Variants in MTRR observed in about 807,000 individuals in gnomAD.
The protein encoded by MTRR is 5-methyltetrahydrofolate-homocysteine methyltransferase reductase, also known as methionine synthase reductase.
MTRR carries 63 observed loss-of-function variants against 79.2 expected under a neutral mutation model. The observed-to-expected ratio is 0.80, with a 90% CI of 0.65 to 0.98. The LOEUF (loss-of-function observed/expected upper bound fraction) is 0.98. Among genes scored for constraint, MTRR ranks in the 50% least tolerant of loss-of-function variants. The pLI is 0.00. For synonymous variants in MTRR, 355 were observed against 313.3 expected, an observed-to-expected ratio of 1.13 and a Z score of -1.41; for missense variants, 895 against 839.6, an observed-to-expected ratio of 1.07 and a Z score of -0.82.
chr5:7,875,418 C>A, intron 4 of MTRR, 43 bp downstream of exon 4: 2 of 1,427,270 alleles, frequency 1.4e-6, no homozygotes, highest in Non-Finnish European at 2.0e-6. Flanking sequence ...GCCCTCTATA[C>A]ATGATGGAAG....
chr5:7,898,462 AAGC>A (rs1405974731), intron 14 of MTRR, among the ~76,000 whole-genome samples: 8 of 152,230 alleles, frequency 5.3e-5, no homozygotes, highest in Non-Finnish European at 8.8e-5. Context: ...ATGCACTTGG[AAGC>A]ATTAATAGCA....
chr5:7,887,885 C>T (rs1736894194), intron 8 of MTRR, among the ~76,000 whole-genome samples: 1 of 139,232 alleles, frequency 7.2e-6, no homozygotes, highest in African/African-American at 2.8e-5. Context: ...ACAGAAATAA[C>T]CCAGGAAACC....
chr5:7,875,182 A>C (rs1017675849), intron 3 of MTRR, 76 bp from the exon 4 acceptor site: 131 of 946,196 alleles, frequency 1.4e-4, no homozygotes, highest in Non-Finnish European at 2.2e-4. Context: ...ATTATTTTAG[A>C]TATTTTATTT....
upstream of MTRR, chr5:7,866,587 A>C: frequency 7.7e-7 from 1 of 1,302,510 alleles, no homozygotes; most frequent in Non-Finnish European, 1.1e-6. Flanking sequence ...TGTGACTTGA[A>C]ACCACTGCCA....
At chr5:7,887,776 T>TTGTG (rs138411575) in intron 8 of MTRR, among the ~76,000 whole-genome samples, 1 of 112,354 alleles carries the variant, frequency 8.9e-6, no homozygotes, top group South Asian at 3.0e-4. Flanking sequence ...ATGTATATAT[T>TTGTG]TGTGTGTGTG....
upstream of MTRR, chr5:7,868,176 T>G (rs1174127205): frequency 3.2e-6 from 2 of 618,672 alleles, no homozygotes; most frequent in African/African-American, 2.1e-5. Context: ...CATCAATGTT[T>G]ATGAAACTAC....
rs1376668525 is a variant in MTRR, at chr5:7,878,106, A to C, written c.564A>C (p.Glu188Asp). Residue 188 changes from glutamate (E) to aspartate (D), a missense_variant, in exon 5 of 15, where the codon GAA becomes GAC. Coordinates refer to ENST00000440940, the MANE Select transcript of MTRR (RefSeq NM_002454.3). ...TGAAGTCAGAGCTGCTACACATTGA[A>C]TCTCAAGTCGAGCTTCTGAGATTCG... ...DLVKSELLHI[E>D]SQVELLRFDD... The C allele has an allele frequency of 1.9e-6, 3 of 1,614,004 alleles. No individual in the cohort carries two copies. In the East Asian group the frequency reaches 6.7e-5, roughly 36 times the overall value.
At chr5:7,870,447 A>G (rs1046759753) in intron 1 of MTRR, 3 of 357,744 alleles carry the variant, frequency 8.4e-6, no homozygotes, top group African/African-American at 6.3e-5. Context: ...CATTTTTAGG[A>G]TAAAGGAGCT....
chr5:7,891,592 A>G (rs1414717177), intron 10 of MTRR, among the ~76,000 whole-genome samples, 178 bp downstream of exon 10: 2 of 152,166 alleles, frequency 1.3e-5, no homozygotes, highest in Non-Finnish European at 2.9e-5. Context: ...CTGGGACTTC[A>G]TAGAATTTAA....
intron 5 of MTRR, among the ~76,000 whole-genome samples, chr5:7,881,889 C>A (rs1000323683): frequency 6.6e-6 from 1 of 152,118 alleles, no homozygotes; most frequent in Admixed American, 6.5e-5. Context: ...ACTGGCACTC[C>A]CTGCTACTTA....
At chr5:7,868,886 C>G, upstream of MTRR, 1 of 576,302 alleles carries the variant, frequency 1.7e-6, no homozygotes, top group Non-Finnish European at 3.1e-6. Context: ...TGCGCTGAGA[C>G]ACGGGCCGGG....
chr5:7,891,378 T>G lies in MTRR; in HGVS notation c.1334T>G (p.Leu445Arg). ...QPPLSLLLEH[L>R]PKLQPRPYSC... is the part of the protein sequence containing the mutation. ...TGTTTTTATTTTTTTCTAGAACATC[T>G]TCCTAAACTTCAACCCAGACCATAT... The change falls in exon 10 of 15, where the codon CTT becomes CGT. Residue 445 changes from leucine to arginine, a missense_variant. Leu to Arg is a moderately radical substitution (Grantham distance 102, BLOSUM62 -2). Coordinates refer to ENST00000440940, the MANE Select transcript of MTRR (RefSeq NM_002454.3). The G allele has an allele frequency of 6.2e-7, 1 of 1,606,674 alleles. No homozygotes were observed. Among genetic ancestry groups the G allele is most frequent in the Non-Finnish European group, 8.5e-7 (1 of 1,174,602 alleles).
At chr5:7,887,391 C>G (rs1339117012) in intron 8 of MTRR, among the ~76,000 whole-genome samples, 3 of 151,882 alleles carry the variant, frequency 2.0e-5, no homozygotes, top group Non-Finnish European at 4.4e-5. Flanking sequence ...CCTTGCCACA[C>G]TTGTATTGTC....
chr5:7,891,009 GCGCACCTCCCTGCAGAAAAC>G (rs1468219222), intron 9 of MTRR, among the ~76,000 whole-genome samples: 1 of 5,238 alleles, frequency 1.9e-4, no homozygotes, highest in African/African-American at 1.4e-3. Context: ...GCAGAAAACT[GCGCACCTCCCTGCAGAAAAC>G]TGCACATATA....
chr5:7,899,346 C>G (rs555868377), intron 14 of MTRR, among the ~76,000 whole-genome samples: 1 of 152,194 alleles, frequency 6.6e-6, no homozygotes, highest in Non-Finnish European at 1.5e-5. Flanking sequence ...ACGTTTCTAA[C>G]GTCGGAAGTG....
upstream of MTRR, among the ~76,000 whole-genome samples, chr5:7,865,452 C>T (rs936230682): frequency 7.2e-5 from 11 of 152,046 alleles, no homozygotes; most frequent in South Asian, 1.0e-3. Context: ...ATGGGAAGAG[C>T]GAACTCTAGA....
intron 3 of MTRR, chr5:7,875,012 T>C (rs1748633512): frequency 4.1e-6 from 2 of 483,000 alleles, no homozygotes; most frequent in South Asian, 2.3e-5. Context: ...AAATGTGAAG[T>C]CTTTTCTTTC....
chr5:7,861,266 G>C, intron 1 of MTRR: 1 of 1,464,602 alleles, frequency 6.8e-7, no homozygotes, highest in Admixed American at 2.1e-5. Context: ...GTGCTATCCT[G>C]AAAAATAAAA....
At chr5:7,876,845 T>C (rs1190295704) in intron 4 of MTRR, among the ~76,000 whole-genome samples, 2 of 152,240 alleles carry the variant, frequency 1.3e-5, no homozygotes, top group African/African-American at 4.8e-5. Flanking sequence ...CCTGTCGTCA[T>C]GTAGTAAACA....
Sources: gnomAD v4.1 joint callset for allele counts (sites outside exome capture counted in the v4.1 genomes callset) on GRCh38, gnomAD v4.1.1 for gene constraint, MANE v1.5 for transcripts, NCBI Gene and HGNC (gene_info 2026-07-23, HGNC 2026-07-21) for gene names.